Variants in FUT9 observed in about 807,000 individuals in gnomAD.
The protein encoded by FUT9 is fucosyltransferase 9, also known as 4-galactosyl-N-acetylglucosaminide 3-alpha-L-fucosyltransferase 9.
FUT9 carries 15 observed loss-of-function variants against 29.7 expected under a neutral mutation model. The ratio of observed to expected loss-of-function variants is 0.51; its 90% confidence interval spans 0.34 to 0.78. The LOEUF is 0.78. Among genes scored for constraint, FUT9 ranks in the 30% least tolerant of loss-of-function variants. The pLI, the probability that FUT9 is intolerant of heterozygous loss-of-function variation, is 0.01. For synonymous variants in FUT9, 169 were observed against 153.7 expected (o/e 1.10, Z -0.74); for missense variants, 319 against 425.4 (o/e 0.75, Z 2.20).
At chr6:96,057,326 T>C (rs1247760534) in intron 1 of FUT9, among the ~76,000 whole-genome samples, 1 of 152,198 alleles carries the variant, frequency 6.6e-6, no homozygotes, top group Non-Finnish European at 1.5e-5. Flanking sequence ...AGTGTCTACT[T>C]CTTTATTTTA....
chr6:96,023,987 T>C (rs1010023976), intron 1 of FUT9, among the ~76,000 whole-genome samples: 1 of 152,052 alleles, frequency 6.6e-6, no homozygotes, highest in South Asian at 2.1e-4. Context: ...ACTTAACTGA[T>C]GATGAAGTAT....
chr6:96,118,406 T>C (rs1771955133), intron 2 of FUT9, among the ~76,000 whole-genome samples: 1 of 152,112 alleles, frequency 6.6e-6, no homozygotes, highest in Non-Finnish European at 1.5e-5. Context: ...TCCCATTAGA[T>C]TATAATAGAG....
chr6:96,140,303 A>C (rs911560216), intron 2 of FUT9, among the ~76,000 whole-genome samples: 1 of 152,174 alleles, frequency 6.6e-6, no homozygotes, highest in Admixed American at 6.5e-5. Flanking sequence ...GAAGTCTCAA[A>C]CTTTCCCACA....
At chr6:96,038,431 G>A (rs896506465) in intron 1 of FUT9, among the ~76,000 whole-genome samples, 5 of 152,072 alleles carry the variant, frequency 3.3e-5, no homozygotes, top group African/African-American at 7.2e-5. Flanking sequence ...GCCGTTATGC[G>A]TTAAAACTAT....
chr6:96,085,348 C>T (rs1771297997), intron 1 of FUT9, among the ~76,000 whole-genome samples: 1 of 152,180 alleles, frequency 6.6e-6, no homozygotes, highest in African/African-American at 2.4e-5. Context: ...CCTCTTCCCT[C>T]ATAGATGGCA....
intron 2 of FUT9, among the ~76,000 whole-genome samples, chr6:96,142,825 G>A (rs1300999806): frequency 6.6e-6 from 1 of 151,800 alleles, no homozygotes; most frequent in East Asian, 1.9e-4. Context: ...TGCTAATATA[G>A]GTTTCTTATT....
rs1290654424 is a variant in FUT9, at chr6:96,213,042, T to A, written c.*8807T>A. On this transcript the variant is annotated 3_prime_UTR_variant, in exon 3 of 3. Transcript: ENST00000302103. ...ATCTTGATGAATTGGTTAGAAATTC[T>A]AATTTAATTAGCCTGGCACAGTGCA... 3.0e-5 allele frequency: 5 copies of A among 166,974 alleles called. No homozygotes were observed. Among genetic ancestry groups the A allele is most frequent in the Non-Finnish European group, 2.9e-5 (2 of 68,032 alleles). The allele number at this position is 166,974 out of a possible 1,614,324, so 10.3% of individuals were successfully genotyped here.
intron 2 of FUT9, among the ~76,000 whole-genome samples, chr6:96,124,153 C>CTTTTTT (rs35122970): frequency 4.0e-5 from 5 of 125,038 alleles, no homozygotes; most frequent in African/African-American, 1.2e-4. Flanking sequence ...TTTCTTTTTT[C>CTTTTTT]TTTTTTTTTT....
intron 2 of FUT9, among the ~76,000 whole-genome samples, chr6:96,200,164 G>A (rs1269737049): frequency 6.6e-6 from 1 of 152,082 alleles, no homozygotes; most frequent in Non-Finnish European, 1.5e-5. Context: ...GTGTGTATAA[G>A]TTAATATAAG....
At chr6:96,051,724 T>C (rs1396722260) in intron 1 of FUT9, among the ~76,000 whole-genome samples, 1 of 151,970 alleles carries the variant, frequency 6.6e-6, no homozygotes, top group Non-Finnish European at 1.5e-5. Context: ...TGCAAATCAA[T>C]ATTATATATT....
Position 96,209,136 on chromosome 6 carries a change from C to T in FUT9, c.*4901C>T, listed in dbSNP as rs534165695. On this transcript the variant is annotated 3_prime_UTR_variant, in exon 3 of 3. Coordinates refer to ENST00000302103, the MANE Select transcript of FUT9 (RefSeq NM_006581.4). ...AACTAATTTTGAGAGAGCCACTTAA[C>T]CTCTCTGGACCTTGTTTGTAAGCTT... 1 of 166,944 alleles carries T rather than the reference C, an allele frequency of 6.0e-6. No homozygotes were observed. The highest frequency in any genetic ancestry group is 2.1e-4 in the South Asian group (1 of 4,820). The allele number at this position is 166,944 out of a possible 1,614,324, so 10.3% of individuals were successfully genotyped here. A position where few individuals can be genotyped will look rare whatever the true frequency, so the allele number is the denominator to read the frequency against.
intron 2 of FUT9, among the ~76,000 whole-genome samples, chr6:96,124,697 C>T (rs902755965): frequency 6.6e-5 from 10 of 151,890 alleles, no homozygotes; most frequent in African/African-American, 1.9e-4. Context: ...CAATTTTGTA[C>T]GCCTCCTTTT....
chr6:96,196,468 C>T (rs1017652104), intron 2 of FUT9, among the ~76,000 whole-genome samples: 1 of 152,108 alleles, frequency 6.6e-6, no homozygotes, highest in Non-Finnish European at 1.5e-5. Context: ...AACCCTGGCA[C>T]TTTGGGAGGT....
Position 96,139,563 on chromosome 6 carries a change from C to T in FUT9, c.-9+25436C>T, listed in dbSNP as rs187196647. Among the ~76,000 whole-genome samples the T allele has an allele frequency of 1.4e-3, 215 of 152,332 alleles. 1 individual carries two copies. Among genetic ancestry groups the T allele is most frequent in the Non-Finnish European group, 1.0e-4 (7 of 68,040 alleles). On this transcript the variant is annotated intron_variant, in intron 2 of 2. Transcript: ENST00000302103. Reference sequence around the variant, plus strand: ...ACATTTTCCTTCTGCATCATCCTAGCAGAGGCTCTCCATGACCCTCCGCCC... The same window carrying T: ...ACATTTTCCTTCTGCATCATCCTAGTAGAGGCTCTCCATGACCCTCCGCCC...
At chr6:96,087,935 C>G (rs1015008217) in intron 1 of FUT9, among the ~76,000 whole-genome samples, 1 of 151,940 alleles carries the variant, frequency 6.6e-6, no homozygotes, top group Non-Finnish European at 1.5e-5. Flanking sequence ...TTTATTAGCT[C>G]TTGTATGTGT....
At chr6:96,104,607 C>G (rs577074822) in intron 1 of FUT9, among the ~76,000 whole-genome samples, 13 of 152,180 alleles carry the variant, frequency 8.5e-5, no homozygotes, top group Admixed American at 5.9e-4. Context: ...CTCGGCTCAC[C>G]GCAATCTCCG....
chr6:96,117,247 G>T (rs1771928699), intron 2 of FUT9, among the ~76,000 whole-genome samples: 1 of 152,104 alleles, frequency 6.6e-6, no homozygotes, highest in Non-Finnish European at 1.5e-5. Context: ...GAATGCATAA[G>T]TAAATAAATT....
At chr6:96,120,723 T>TC (rs397818401) in intron 2 of FUT9, among the ~76,000 whole-genome samples, 2 of 150,702 alleles carry the variant, frequency 1.3e-5, no homozygotes, top group South Asian at 2.1e-4. Context: ...ATTTTTTTTT[T>TC]CAGTTAATTT....
Position 96,203,235 on chromosome 6 carries a change from T to A in FUT9, c.80T>A (p.Leu27His). 1 of 1,613,766 alleles carries A rather than the reference T, an allele frequency of 6.2e-7. No homozygotes were observed. Among genetic ancestry groups the A allele is most frequent in the East Asian group, 2.2e-5 (1 of 44,864 alleles). Reference protein sequence around the residue: ...IILGCFMACLLIYIKPTNSWI... With the variant: ...IILGCFMACLHIYIKPTNSWI... ...CTGGGCTGTTTCATGGCATGTCTTC[T>A]CATTTACATCAAACCTACCAACAGC... The change falls in exon 3 of 3, where the codon CTC becomes CAC. Residue 27 changes from leucine to histidine, a missense_variant. Coordinates refer to ENST00000302103, the MANE Select transcript of FUT9 (RefSeq NM_006581.4).
Sources: allele counts gnomAD v4.1 joint callset (sites outside exome capture counted in the v4.1 genomes callset), GRCh38; gene constraint gnomAD v4.1.1; transcripts MANE v1.5; gene names NCBI Gene and HGNC (gene_info 2026-07-23, HGNC 2026-07-21).